Variants in KIAA1549L observed in about 807,000 individuals in gnomAD.
The protein encoded by KIAA1549L is UPF0606 protein KIAA1549L.
Under a neutral mutation model 160.7 loss-of-function variants are expected in KIAA1549L, and 88 were observed. The ratio of observed to expected loss-of-function variants is 0.55; its 90% CI spans 0.46 to 0.65. KIAA1549L has a LOEUF of 0.65. Ranked by LOEUF, KIAA1549L falls within the 30% of genes least tolerant of loss-of-function variation. KIAA1549L has a pLI of 0.00. For missense variants in KIAA1549L, 2,258 were observed against 2,437.5 expected (o/e 0.93, Z 1.55); for synonymous variants, 950 against 976.7 (o/e 0.97, Z 0.51).
At chr11:33,584,303 G>C (rs1011723278) in intron 11 of KIAA1549L, among the ~76,000 whole-genome samples, 7 of 152,234 alleles carry the variant, frequency 4.6e-5, no homozygotes, top group African/African-American at 1.7e-4. Flanking sequence ...AAGGCTCTCT[G>C]GAGCACATGC....
chr11:33,459,971 A>AG (rs1463337338), intron 1 of KIAA1549L, among the ~76,000 whole-genome samples: 2 of 149,108 alleles, frequency 1.3e-5, no homozygotes, highest in Admixed American at 1.3e-4. Flanking sequence ...AAAAAAAAAA[A>AG]AAAAAAGAAA....
At chr11:33,513,000 G>A (rs151045329) in intron 1 of KIAA1549L, among the ~76,000 whole-genome samples, 1,898 of 152,238 alleles carry the variant, frequency 0.012, 16 homozygotes, top group Non-Finnish European at 0.02. Flanking sequence ...ACCTTTGGCG[G>A]TGATACCTTA....
chr11:33,608,341 T>A (rs1405438676), intron 14 of KIAA1549L, among the ~76,000 whole-genome samples: 12 of 152,264 alleles, frequency 7.9e-5, no homozygotes, highest in Non-Finnish European at 1.6e-4. Flanking sequence ...TTACTGTTGT[T>A]GTTATCACCA....
chr11:33,591,444 C>G, intron 12 of KIAA1549L, 23 bp downstream of exon 12: 1 of 1,562,210 alleles, frequency 6.4e-7, no homozygotes, highest in Non-Finnish European at 8.7e-7. Context: ...CTGACTTCTG[C>G]CTCTCTGTGT....
intron 10 of KIAA1549L, among the ~76,000 whole-genome samples, chr11:33,577,545 A>G (rs1259741184): frequency 6.6e-6 from 1 of 152,162 alleles, no homozygotes; most frequent in Non-Finnish European, 1.5e-5. Flanking sequence ...CTTTCTAATG[A>G]GGAGAAAGTG....
Position 33,617,608 on chromosome 11 carries a change from G to A in KIAA1549L, c.5280-925G>A, listed in dbSNP as rs531041744. Among the ~76,000 whole-genome samples, 12 of 152,200 alleles carry A rather than the reference G, an allele frequency of 7.9e-5. 1 individual carries two copies. The South Asian group carries it at 2.3e-3, about 29-fold the overall frequency. ...AAAGTTGTCTCCCATCCTAGTCCCCGTTTGTCACAGCTTAATAGCACTTAT... is the reference window on the plus strand; with the variant it reads ...AAAGTTGTCTCCCATCCTAGTCCCCATTTGTCACAGCTTAATAGCACTTAT... On this transcript the variant is annotated intron_variant, in intron 15 of 20. Coordinates refer to ENST00000658780, the MANE Select transcript of KIAA1549L (RefSeq NM_012194.3).
At chr11:33,408,781 C>CAAAAAAAAAA (rs71034683) in intron 1 of KIAA1549L, among the ~76,000 whole-genome samples, 3 of 115,298 alleles carry the variant, frequency 2.6e-5, no homozygotes, top group African/African-American at 6.9e-5. Flanking sequence ...ACTAAAAATA[C>CAAAAAAAAAA]AAAAAAAAAA....
intron 1 of KIAA1549L, among the ~76,000 whole-genome samples, chr11:33,426,583 T>TG (rs1851121184): frequency 6.6e-6 from 1 of 152,184 alleles, no homozygotes; most frequent in Admixed American, 6.5e-5. Flanking sequence ...GGCAGAGCTG[T>TG]GGGGCTATAA....
intron 1 of KIAA1549L, among the ~76,000 whole-genome samples, chr11:33,464,052 A>G (rs1851994079): frequency 6.6e-6 from 1 of 152,166 alleles, no homozygotes. Flanking sequence ...ATCTCATTTG[A>G]TCCTATGATA....
intron 6 of KIAA1549L, among the ~76,000 whole-genome samples, chr11:33,553,652 T>A (rs956716999): frequency 6.6e-6 from 1 of 152,056 alleles, no homozygotes; most frequent in African/African-American, 2.4e-5. Flanking sequence ...ATGTAAGGAG[T>A]GTGACTCAGC....
intron 1 of KIAA1549L, among the ~76,000 whole-genome samples, chr11:33,435,818 G>GTGTGTGTGTATATATATATA (rs1554976830): frequency 2.2e-5 from 1 of 45,308 alleles, no homozygotes; most frequent in Non-Finnish European, 4.3e-5. Context: ...ATATGTGTGT[G>GTGTGTGTGTATATATATATA]TATATATATA....
intron 1 of KIAA1549L, 78 bp from the exon 2 acceptor site, chr11:33,541,724 C>G (rs1489617727): frequency 9.9e-6 from 2 of 202,484 alleles, no homozygotes; most frequent in African/African-American, 4.6e-5. Context: ...CTTGCACACA[C>G]CTTTGTCTCC....
At chr11:33,567,542 A>T (rs992163448) in intron 8 of KIAA1549L, among the ~76,000 whole-genome samples, 6 of 152,220 alleles carry the variant, frequency 3.9e-5, no homozygotes, top group African/African-American at 1.4e-4. Flanking sequence ...GACACTGAAC[A>T]GGGTAGTCTG....
rs58826838 is a variant in KIAA1549L, at chr11:33,419,621, G to A, written c.238+42732G>A. Among the ~76,000 whole-genome samples the A allele has an allele frequency of 8.5e-3, 1,297 of 152,060 alleles. 24 individuals are homozygous for A. The highest frequency in any genetic ancestry group is 0.03 in the African/African-American group (1,223 of 41,438). On this transcript the variant is annotated intron_variant, in intron 1 of 20. Transcript: ENST00000658780. ...AGCACTTTGGGAGGCCGAGGTGGGC[G>A]GATCACTTGAGGTCAGGAGTTTGAG...
chr11:33,535,156 G>T (rs995843030), intron 1 of KIAA1549L, among the ~76,000 whole-genome samples: 2 of 152,058 alleles, frequency 1.3e-5, no homozygotes, highest in African/African-American at 4.8e-5. Flanking sequence ...CAGACTGAAG[G>T]CTTTGACTTA....
chr11:33,484,932 A>G (rs181997387), intron 1 of KIAA1549L, among the ~76,000 whole-genome samples: 24 of 152,310 alleles, frequency 1.6e-4, no homozygotes, highest in African/African-American at 5.5e-4. Flanking sequence ...AATCAAGACC[A>G]TTGCTTAGAA....
intron 5 of KIAA1549L, 95 bp from the exon 6 acceptor site, chr11:33,552,013 C>T: frequency 2.1e-6 from 3 of 1,408,014 alleles, no homozygotes; most frequent in South Asian, 2.9e-5. Flanking sequence ...TTCCTCTCAT[C>T]TAAAATCGTG....
At chr11:33,586,320 G>A (rs1463744127) in intron 11 of KIAA1549L, among the ~76,000 whole-genome samples, 5 of 152,128 alleles carry the variant, frequency 3.3e-5, no homozygotes, top group African/African-American at 9.7e-5. Context: ...TGGCTTTCCC[G>A]GGAGCCGAGA....
chr11:33,641,708 A>G (rs1851592507), intron 16 of KIAA1549L, among the ~76,000 whole-genome samples: 1 of 148,424 alleles, frequency 6.7e-6, no homozygotes, highest in Non-Finnish European at 1.5e-5. Flanking sequence ...ATTATGGGGA[A>G]CACATTTGTC....
Sources: allele counts gnomAD v4.1 joint callset (sites outside exome capture counted in the v4.1 genomes callset), GRCh38; gene constraint gnomAD v4.1.1; transcripts MANE v1.5; gene names NCBI Gene and HGNC (gene_info 2026-07-23, HGNC 2026-07-21).